USP42: variants seen among roughly 807,000 people sequenced by gnomAD.
USP42 encodes ubiquitin specific peptidase 42.
In USP42, 23 loss-of-function variants were observed where a neutral mutation model predicts 113.0. The ratio of observed to expected loss-of-function variants is 0.20; its 90% CI spans 0.15 to 0.29. The LOEUF is 0.29. Ranked by LOEUF, USP42 falls within the 10% of genes least tolerant of loss-of-function variation. USP42 has a pLI of 1.00. For missense variants in USP42, 2,174 were observed against 1,779.8 expected (o/e 1.22, Z -3.99); for synonymous variants, 933 against 699.0 (o/e 1.33, Z -5.28).
the USP42 span, among the ~76,000 whole-genome samples, chr7:6,089,127 C>A: frequency 2.7e-5 from 4 of 150,678 alleles, no homozygotes; most frequent in Non-Finnish European, 1.5e-5. Context: ...TCACTGCAAC[C>A]GCCACCTCCC....
chr7:6,086,431 T>A, the USP42 span, among the ~76,000 whole-genome samples: 2 of 150,746 alleles, frequency 1.3e-5, 1 homozygote, highest in African/African-American at 5.0e-5. Flanking sequence ...GGTCTCGATC[T>A]CCTGACATCA....
At chr7:6,112,228 C>T (rs1049451219) in intron 2 of USP42, among the ~76,000 whole-genome samples, 4 of 152,056 alleles carry the variant, frequency 2.6e-5, no homozygotes, top group Non-Finnish European at 5.9e-5. Context: ...GCAGGTGGAT[C>T]ACCTGAGGTC....
At chr7:6,088,556 C>T in the USP42 span, among the ~76,000 whole-genome samples, 1 of 151,202 alleles carries the variant, frequency 6.6e-6, no homozygotes, top group Non-Finnish European at 1.5e-5. Flanking sequence ...CGTGCATGGC[C>T]TCCTACTCTT....
the USP42 span, among the ~76,000 whole-genome samples, chr7:6,090,348 T>TTA: frequency 1.6e-3 from 230 of 142,942 alleles, 10 homozygotes; most frequent in Middle Eastern, 7.2e-3. Context: ...ATATATATAT[T>TTA]TATATATATA....
chr7:6,138,500 T>A (rs1048412503), intron 4 of USP42, among the ~76,000 whole-genome samples: 2 of 152,180 alleles, frequency 1.3e-5, no homozygotes, highest in Non-Finnish European at 2.9e-5. Context: ...GTAACTTTAT[T>A]AACTTGCTAG....
intron 2 of USP42, among the ~76,000 whole-genome samples, chr7:6,114,410 G>A (rs1286868980): frequency 6.6e-6 from 1 of 151,758 alleles, no homozygotes; most frequent in Non-Finnish European, 1.5e-5. Context: ...AACCAACTTT[G>A]ACATTTATCA....
Position 6,139,950 on chromosome 7 carries a change from T to G in USP42, c.657-178T>G. ...TCCTCCCGCCACTCCCAGACCTCCC[T>G]GTGTTCTGGCCAGGAAGGGATGCTC... On this transcript the variant is annotated intron_variant, in intron 5 of 17. Coordinates refer to ENST00000306177, the MANE Select transcript of USP42 (RefSeq NM_032172.3). The surrounding 1 kb of genome is among the most constrained non-coding windows in gnomAD (Gnocchi z 4.5). The G allele has an allele frequency of 1.5e-6, 1 of 647,402 alleles. No individual in the cohort carries two copies. Among genetic ancestry groups the G allele is most frequent in the East Asian group, 2.7e-5 (1 of 36,472 alleles). The allele number at this position is 647,402 out of a possible 1,614,324, so 40.1% of individuals were successfully genotyped here. A position where few individuals can be genotyped will look rare whatever the true frequency, so the allele number is the denominator to read the frequency against.
chr7:6,131,919 G>A (rs538799927), intron 3 of USP42, among the ~76,000 whole-genome samples: 4 of 152,292 alleles, frequency 2.6e-5, no homozygotes, highest in African/African-American at 4.8e-5. Flanking sequence ...CTCATGGGGT[G>A]TAGAATTCTA....
In USP42 at chr7:6,159,399, G is replaced by A. The variant is rs1782643813; in HGVS notation, c.3944-51G>A. On this transcript the variant is annotated intron_variant, in intron 16 of 17. Transcript: ENST00000306177. The surrounding 1 kb of genome is among the most constrained non-coding windows in gnomAD (Gnocchi z 4.1). ...AACGCACACACACAGCAGAGGCCCT[G>A]GCGATTTTGCAACCATCATTAAAAT... 6.2e-7 allele frequency: 1 copy of A among 1,613,500 alleles called. No homozygotes were observed. Among genetic ancestry groups the A allele is most frequent in the Middle Eastern group, 1.7e-4 (1 of 6,056 alleles).
At position 6,149,941 on chromosome 7, in the gene USP42, T is replaced by A; in HGVS notation, c.1745T>A (p.Ile582Asn). 6.2e-7 allele frequency: 1 copy of A among 1,613,850 alleles called. No individual in the cohort carries two copies. The highest frequency in any genetic ancestry group is 1.1e-5 in the South Asian group (1 of 91,068). Residue 582 changes from isoleucine (I) to asparagine (N), a missense_variant, in exon 13 of 18, where the codon ATC (isoleucine) becomes AAC (asparagine). Physicochemically the swap from Ile to Asn is moderately radical, Grantham distance 149 (BLOSUM62 -3). Transcript: ENST00000306177. The part of the protein sequence containing the change: ...MSVSSKVTKP[I>N]PRSESCSQPV... Reference sequence around the variant, plus strand: ...GTTTCTAGTAAAGTAACAAAACCGATCCCCCGCAGTGAATCCTGCTCCCAG... The same window carrying A: ...GTTTCTAGTAAAGTAACAAAACCGAACCCCCGCAGTGAATCCTGCTCCCAG...
At chr7:6,129,091 C>T (rs1034361156) in intron 3 of USP42, among the ~76,000 whole-genome samples, 6 of 152,196 alleles carry the variant, frequency 3.9e-5, no homozygotes, top group African/African-American at 1.2e-4. Context: ...GGATTACAGG[C>T]GTGTGCCACT....
chr7:6,087,735 G>A, the USP42 span, among the ~76,000 whole-genome samples: 46 of 151,128 alleles, frequency 3.0e-4, 1 homozygote, highest in African/African-American at 1.1e-3. Context: ...CTATACCCTC[G>A]TCTTGCCTCC....
At chr7:6,089,340 C>T in the USP42 span, among the ~76,000 whole-genome samples, 1 of 149,608 alleles carries the variant, frequency 6.7e-6, no homozygotes, top group Non-Finnish European at 1.5e-5. Context: ...AGACATCCTC[C>T]TGGTTGAGCT....
the USP42 span, among the ~76,000 whole-genome samples, chr7:6,095,625 C>T: frequency 1.6e-4 from 24 of 150,982 alleles, no homozygotes; most frequent in Non-Finnish European, 7.4e-5. Flanking sequence ...GCTGAGATTG[C>T]GCCACTGCAC....
rs1168378393 is a variant in USP42 at position 6,157,734 on chromosome 7, T to G, written c.3943+679T>G. On this transcript the variant is annotated intron_variant, in intron 16 of 17. Transcript: ENST00000306177. The surrounding 1 kb of genome is among the most constrained non-coding windows in gnomAD (Gnocchi z 4.1). Reference sequence around the variant, plus strand: ...TGCACCCTGATGCTCGGTACTGATTTGCTCGCTTGGTTCCTTAGAAGCGTG... The same window carrying G: ...TGCACCCTGATGCTCGGTACTGATTGGCTCGCTTGGTTCCTTAGAAGCGTG... Among the ~76,000 whole-genome samples, 2 of 152,230 alleles carry G rather than the reference T, an allele frequency of 1.3e-5. No homozygotes were observed. Among genetic ancestry groups the G allele is most frequent in the Non-Finnish European group, 2.9e-5 (2 of 68,042 alleles).
chr7:6,154,138 C>G lies in USP42; in HGVS notation c.2584C>G (p.Arg862Gly). Residue 862 changes from arginine to glycine, a missense_variant, in exon 15 of 18, where the codon CGG (arginine) becomes GGG (glycine). By Grantham distance (125) the Arg-to-Gly change is moderately radical. Transcript: ENST00000306177. ...PEGLSPAPPA[R>G]SEEPCEQPLL... ...AGGGTTGAGTCCGGCTCCGCCTGCGCGGTCGGAGGAGCCCTGCGAGCAGCC... is the reference window on the plus strand; with the variant it reads ...AGGGTTGAGTCCGGCTCCGCCTGCGGGGTCGGAGGAGCCCTGCGAGCAGCC... 1 of 1,596,560 alleles carries G rather than the reference C, an allele frequency of 6.3e-7. No homozygotes were observed. The highest frequency in any genetic ancestry group is 8.5e-7 in the Non-Finnish European group (1 of 1,173,022).
At chr7:6,127,459 TTTTTTAGAAAC>T (rs1388697618) in intron 3 of USP42, among the ~76,000 whole-genome samples, 1 of 152,228 alleles carries the variant, frequency 6.6e-6, no homozygotes, top group African/African-American at 2.4e-5. Context: ...TTGAGTTTTT[TTTTTTAGAAAC>T]TGAGATTTGA....
chr7:6,137,204 G>T lies in USP42; in HGVS notation c.553+1253G>T, dbSNP rs767553921. ...TACAGTAACAAACTGTAATCTTTTTGCCTAGAAAGCCACTGAAGATTAAAG... is the reference window on the plus strand; with the variant it reads ...TACAGTAACAAACTGTAATCTTTTTTCCTAGAAAGCCACTGAAGATTAAAG... On this transcript the variant is annotated intron_variant, in intron 4 of 17. Coordinates refer to ENST00000306177, the MANE Select transcript of USP42 (RefSeq NM_032172.3). 1.7e-4 allele frequency among the ~76,000 whole-genome samples: 26 copies of T among 152,178 alleles called. 1 individual carries two copies. Among genetic ancestry groups the T allele is most frequent in the South Asian group, 8.3e-4 (4 of 4,820 alleles).
intron 1 of USP42, among the ~76,000 whole-genome samples, chr7:6,106,999 A>G (rs1779318751): frequency 1.3e-5 from 2 of 152,266 alleles, no homozygotes; most frequent in Admixed American, 6.5e-5. Context: ...TATGAATCTT[A>G]AGTCCTACAT....
Sources: allele counts gnomAD v4.1 joint callset (sites outside exome capture counted in the v4.1 genomes callset), GRCh38; gene constraint gnomAD v4.1.1; non-coding constraint Gnocchi (gnomAD v3.1); transcripts MANE v1.5; gene names NCBI Gene and HGNC (gene_info 2026-07-23, HGNC 2026-07-21).